The following FAAP20 variants were observed in gnomAD, a reference collection of about 807,000 sequenced individuals.
FAAP20 encodes FA core complex associated protein 20, also known as Fanconi anemia core complex-associated protein 20.
Under a neutral mutation model 16.2 loss-of-function variants are expected in FAAP20, and 12 were observed. That is an observed-to-expected ratio of 0.74 (90% CI 0.48 to 1.20). FAAP20 has a LOEUF of 1.20. Among genes scored for constraint, FAAP20 ranks in the 50% most tolerant of loss-of-function variants. The pLI is 0.00. For synonymous variants in FAAP20, 141 were observed against 110.7 expected (o/e 1.27, Z -1.72); for missense variants, 288 against 245.8 (o/e 1.17, Z -1.15).
chr1:2,184,534 AGGGAT>A, downstream of FAAP20: 1 of 1,411,234 alleles, frequency 7.1e-7, no homozygotes, highest in Non-Finnish European at 9.9e-7. Context: ...TCAATCTGGT[AGGGAT>A]GATGCCCGCG....
At chr1:2,211,432 T>C (rs1252713768), downstream of FAAP20, among the ~76,000 whole-genome samples, 2 of 20,646 alleles carry the variant, frequency 9.7e-5, no homozygotes, top group Non-Finnish European at 1.6e-4. Flanking sequence ...TATATATATA[T>C]ATATTTTTTT....
downstream of FAAP20, among the ~76,000 whole-genome samples, chr1:2,209,460 C>T (rs1011689251): frequency 6.6e-6 from 1 of 152,244 alleles, no homozygotes; most frequent in South Asian, 2.1e-4. Context: ...TGTCCGTGTG[C>T]TTGCTGTAGG....
In FAAP20 at chr1:2,189,702, A is replaced by T; in HGVS notation, c.*7T>A. 6.2e-7 allele frequency: 1 copy of T among 1,607,044 alleles called. No homozygotes were observed. Among genetic ancestry groups the T allele is most frequent in the Non-Finnish European group, 8.5e-7 (1 of 1,176,066 alleles). On this transcript the variant is annotated 3_prime_UTR_variant, in exon 4 of 4. Coordinates refer to ENST00000378546, the MANE Select transcript of FAAP20 (RefSeq NM_182533.4). ...GCCGCACTCTGCGCAGGGCTCTTGG[A>T]TGGCGCTCACCACGTCACGTCTTCT... is the stretch of plus-strand genomic sequence containing the variant.
chr1:2,186,211 T>C (rs1427266159), downstream of FAAP20: 1 of 352,198 alleles, frequency 2.8e-6, no homozygotes, highest in African/African-American at 2.1e-5. Flanking sequence ...CAGGCCTCCA[T>C]GACTCAGGGG....
upstream of FAAP20, among the ~76,000 whole-genome samples, chr1:2,202,198 C>T (rs367915763): frequency 4.6e-5 from 7 of 152,188 alleles, no homozygotes; most frequent in African/African-American, 1.4e-4. Flanking sequence ...ACCCCAGCAC[C>T]GTGTGGCCTT....
intron 3 of FAAP20, chr1:2,191,952 C>T (rs1448575629): frequency 1.0e-6 from 1 of 985,352 alleles, no homozygotes; most frequent in Non-Finnish European, 1.2e-6. Flanking sequence ...CATAGTTTGT[C>T]AAATCCAGCA....
At chr1:2,201,101 C>T (rs1473924233), upstream of FAAP20, 1 of 1,288,556 alleles carries the variant, frequency 7.8e-7, no homozygotes, top group Non-Finnish European at 1.0e-6. Context: ...TGGTGCATCC[C>T]CTGTGCAGCC....
At chr1:2,194,191 G>A (rs893186581) in intron 1 of FAAP20, 58 bp from the exon 2 acceptor site, 1 of 1,594,756 alleles carries the variant, frequency 6.3e-7, no homozygotes, top group Non-Finnish European at 8.5e-7. Context: ...GCTATGGTGG[G>A]GAGACCCGGG....
intron 3 of FAAP20, chr1:2,192,085 G>A: frequency 3.0e-6 from 3 of 985,570 alleles, no homozygotes; most frequent in Non-Finnish European, 3.6e-6. Context: ...GCCTGTGCGG[G>A]ACAGGGCGAC....
chr1:2,184,616 C>T, downstream of FAAP20: 1 of 1,614,070 alleles, frequency 6.2e-7, no homozygotes, highest in South Asian at 1.1e-5. Context: ...TCCATTCCAG[C>T]CACAGATCAC....
At chr1:2,193,381 G>T (rs1188953628) in intron 3 of FAAP20, 12 of 585,568 alleles carry the variant, frequency 2.0e-5, no homozygotes, top group Non-Finnish European at 3.2e-5. Context: ...CCCGGGGCCA[G>T]TGCTCCCAGC....
chr1:2,185,679 A>G (rs923702847), downstream of FAAP20, among the ~76,000 whole-genome samples: 2 of 152,192 alleles, frequency 1.3e-5, no homozygotes, highest in African/African-American at 2.4e-5. Flanking sequence ...GGGAAATTGG[A>G]TCATAGAGAT....
chr1:2,184,908 A>G (rs200015308), downstream of FAAP20: 49 of 1,606,664 alleles, frequency 3.0e-5, no homozygotes, highest in African/African-American at 5.7e-4. Context: ...CCCCCCTGCC[A>G]CCTTTGCCCA....
chr1:2,198,899 A>G, upstream of FAAP20: 2 of 1,289,762 alleles, frequency 1.6e-6, no homozygotes, highest in Non-Finnish European at 2.0e-6. Flanking sequence ...GGGATACGGG[A>G]GTGCCAGGCA....
At chr1:2,201,973 T>G (rs1180446699), upstream of FAAP20, among the ~76,000 whole-genome samples, 3 of 147,468 alleles carry the variant, frequency 2.0e-5, no homozygotes, top group African/African-American at 7.6e-5. Flanking sequence ...GCCGAGATAG[T>G]GCCACTGCCC....
At position 2,194,001 on chromosome 1, in the gene FAAP20, T is replaced by C. The variant is rs147283443; in HGVS notation, c.195A>G (p.Gly65=). 1.1e-3 allele frequency: 1,826 copies of C among 1,612,642 alleles called. 2 individuals are homozygous for C. The highest frequency in any genetic ancestry group is 1.4e-3 in the Non-Finnish European group (1,703 of 1,179,936). Residue 65 remains glycine, a synonymous_variant, in exon 2 of 4, where the codon GGA becomes GGG. Coordinates refer to ENST00000378546, the MANE Select transcript of FAAP20 (RefSeq NM_182533.4). ...AAGATGGGCCCAGTGGGCACACCTG[T>C]CCTGGGAAGGCGGGCAGTGAAGGCA... is the stretch of plus-strand genomic sequence containing the variant. ...HEVPSLPAFP[G]QEPRCGPEPT...
upstream of FAAP20, chr1:2,203,789 C>T (rs1430335273): frequency 3.2e-6 from 1 of 314,416 alleles, no homozygotes; most frequent in Non-Finnish European, 4.6e-6. Context: ...ACCCCACACC[C>T]AGCCCTGTGA....
upstream of FAAP20, chr1:2,200,738 G>A (rs1051138674): frequency 1.7e-5 from 17 of 990,708 alleles, no homozygotes; most frequent in Non-Finnish European, 1.8e-5. Context: ...AGCTGGGTGC[G>A]GGGAGCCCTC....
upstream of FAAP20, chr1:2,199,548 G>T: frequency 1.0e-6 from 1 of 985,914 alleles, no homozygotes; most frequent in Non-Finnish European, 1.2e-6. The surrounding 1 kb of genome is among the most constrained non-coding windows in gnomAD (Gnocchi z 4.5). Flanking sequence ...GCACCAAGGA[G>T]CCGGTCAGGG....
Sources: gnomAD v4.1 joint callset for allele counts (sites outside exome capture counted in the v4.1 genomes callset) on GRCh38, gnomAD v4.1.1 for gene constraint, Gnocchi (gnomAD v3.1) non-coding constraint, MANE v1.5 for transcripts, NCBI Gene and HGNC (gene_info 2026-07-23, HGNC 2026-07-21) for gene names.